Variants in ZDHHC15 observed in about 807,000 individuals in gnomAD.
ZDHHC15 encodes palmitoyltransferase ZDHHC15.
Under a neutral mutation model 31.7 loss-of-function variants are expected in ZDHHC15, and 19 were observed. The ratio of observed to expected loss-of-function variants is 0.60; its 90% CI spans 0.42 to 0.88. The LOEUF (loss-of-function observed/expected upper bound fraction) is 0.88. Among genes scored for constraint, ZDHHC15 ranks in the 40% least tolerant of loss-of-function variants. ZDHHC15 has a pLI of 0.00. For synonymous variants in ZDHHC15, 103 were observed against 90.0 expected (o/e 1.14, Z -0.82); for missense variants, 209 against 251.2 (o/e 0.83, Z 1.14).
At chrX:75,415,001 T>C (rs1446632594) in intron 10 of ZDHHC15, among the ~76,000 whole-genome samples, 2 of 103,425 alleles carry the variant, frequency 1.9e-5, no homozygotes, top group African/African-American at 7.1e-5. Flanking sequence ...CTCAAACTTC[T>C]CACCTCAGGT....
intron 2 of ZDHHC15, among the ~76,000 whole-genome samples, chrX:75,491,383 A>G (rs2084887860): frequency 9.6e-6 from 1 of 104,518 alleles, no homozygotes; most frequent in South Asian, 4.6e-4. Context: ...AGAACAAAAA[A>G]CCAAACACCG....
chrX:75,508,482 CT>C (rs1454047898), intron 1 of ZDHHC15, among the ~76,000 whole-genome samples: 1 of 108,777 alleles, frequency 9.2e-6, no homozygotes, highest in African/African-American at 3.4e-5. Flanking sequence ...TGAACTCATC[CT>C]TTTTTATGGC....
chrX:75,410,061 T>G (rs1308150343), intron 10 of ZDHHC15, among the ~76,000 whole-genome samples: 1 of 110,788 alleles, frequency 9.0e-6, no homozygotes, highest in African/African-American at 3.3e-5. Flanking sequence ...TAGACCCATA[T>G]CTCTCTCCGT....
At position 75,478,921 on chromosome X, in the gene ZDHHC15, G is replaced by T. The variant is rs769444491; in HGVS notation, c.228C>A (p.Ile76=). 13 of 1,206,530 alleles carry T rather than the reference G, an allele frequency of 1.1e-5. No homozygotes were observed. In the South Asian group the frequency reaches 1.4e-4, roughly 13 times the overall value. The change falls in exon 3 of 12, where the codon ATC becomes ATA. Residue 76 remains isoleucine (I), a synonymous_variant. Coordinates refer to ENST00000373367, the MANE Select transcript of ZDHHC15 (RefSeq NM_144969.3). ...VFFTWTYWKS[I]FTLPQQPNQK... ...GGTTTGGCTGCTGTGGGAGTGTAAA[G>T]ATAGACTTCCAGTAGGTCCAGGTAA...
At chrX:75,459,314 GCT>G (rs1306475958) in intron 3 of ZDHHC15, among the ~76,000 whole-genome samples, 2 of 111,507 alleles carry the variant, frequency 1.8e-5, no homozygotes, top group Admixed American at 1.9e-4. Flanking sequence ...CATTCTGCAG[GCT>G]CCACTTCCAT....
rs139062845 is a variant in ZDHHC15, at chrX:75,522,239, C to T, written c.136+650G>A. On this transcript the variant is annotated intron_variant, in intron 1 of 11. Transcript: ENST00000373367. ...GGGAAAGAGAATGGAGGGCTTACCA[C>T]TGTGTGAAAACGGAAGATCTTAATG... is the stretch of plus-strand genomic sequence containing the variant. Among the ~76,000 whole-genome samples the T allele has an allele frequency of 8.0e-3, 894 of 111,718 alleles. 11 individuals carry two copies. Among genetic ancestry groups the T allele is most frequent in the African/African-American group, 0.027 (820 of 30,742 alleles).
At chrX:75,471,146 T>C (rs763295106) in intron 3 of ZDHHC15, among the ~76,000 whole-genome samples, 17 of 112,493 alleles carry the variant, frequency 1.5e-4, no homozygotes, top group Admixed American at 1.2e-3. Context: ...TATGCAGACA[T>C]TGACTTAGTA....
At chrX:75,453,540 G>A (rs779567712) in intron 3 of ZDHHC15, among the ~76,000 whole-genome samples, 7 of 111,151 alleles carry the variant, frequency 6.3e-5, no homozygotes, top group Non-Finnish European at 1.1e-4. Flanking sequence ...CATTTTATGA[G>A]GCCAGCATCA....
rs1463803181 is a variant in ZDHHC15 at position 75,369,103 on chromosome X, T to TTAGA, written c.*3871_*3874dup. ...CTTGTCCAAGGGCCTGACAATCTCA[T>TTAGA]TAGATGCCCCCTGTGCTTCTCCATA... is the stretch of plus-strand genomic sequence containing the variant. On this transcript the variant is annotated 3_prime_UTR_variant, in exon 12 of 12. Transcript: ENST00000373367. 1 of 112,079 alleles carries TTAGA rather than the reference T, an allele frequency of 8.9e-6. No homozygotes were observed. The highest frequency in any genetic ancestry group is 1.9e-5 in the Non-Finnish European group (1 of 53,241). 9.2% of individuals were successfully genotyped at this position (112,079 alleles called of 1,213,427 possible). A position where few individuals can be genotyped will look rare whatever the true frequency, so the allele number is the denominator to read the frequency against.
chrX:75,394,052 A>G (rs904179891), intron 10 of ZDHHC15, among the ~76,000 whole-genome samples: 1 of 111,516 alleles, frequency 9.0e-6, no homozygotes, highest in Non-Finnish European at 1.9e-5. Flanking sequence ...CAACCCACTG[A>G]TTCTCAAATG....
chrX:75,521,596 A>G (rs948305732), intron 1 of ZDHHC15, among the ~76,000 whole-genome samples: 3 of 110,958 alleles, frequency 2.7e-5, no homozygotes, highest in Admixed American at 1.9e-4. Flanking sequence ...TAAGGAGGAT[A>G]TAGAGTGCTC....
chrX:75,429,908 T>G lies in ZDHHC15; in HGVS notation c.482+40A>C, dbSNP rs758334051. The G allele has an allele frequency of 2.6e-4, 312 of 1,187,785 alleles. 5 individuals carry two copies. The highest frequency in any genetic ancestry group is 2.6e-3 in the Middle Eastern group (11 of 4,274). On this transcript the variant is annotated intron_variant, in intron 6 of 11. Transcript: ENST00000373367. ...AAAAGTGCATATAATTGAGCAACTT[T>G]GACCCCTTTAGAGGAGAGAAATGAA...
chrX:75,435,678 C>G (rs1474774555), intron 4 of ZDHHC15, among the ~76,000 whole-genome samples: 3 of 112,077 alleles, frequency 2.7e-5, no homozygotes, highest in Non-Finnish European at 5.6e-5. Context: ...ACCCTGAATC[C>G]ATGGTATGAA....
chrX:75,483,278 A>T (rs1440304995), intron 2 of ZDHHC15, among the ~76,000 whole-genome samples: 1 of 110,199 alleles, frequency 9.1e-6, no homozygotes, highest in Non-Finnish European at 1.9e-5. Context: ...TTTCAGGGGC[A>T]GATGAACCAC....
At chrX:75,487,026 C>T (rs1376002173) in intron 2 of ZDHHC15, among the ~76,000 whole-genome samples, 1 of 111,717 alleles carries the variant, frequency 9.0e-6, no homozygotes, top group Non-Finnish European at 1.9e-5. Context: ...CCTTCTACTA[C>T]AGCAGAAGGC....
chrX:75,460,123 C>T (rs944648459), intron 3 of ZDHHC15, among the ~76,000 whole-genome samples: 14 of 112,256 alleles, frequency 1.2e-4, no homozygotes, highest in African/African-American at 4.2e-4. Context: ...GATCTGCCTG[C>T]CTTGGCCTCC....
intron 7 of ZDHHC15, 73 bp downstream of exon 7, chrX:75,429,005 G>C: frequency 8.7e-7 from 1 of 1,152,144 alleles, no homozygotes; most frequent in Non-Finnish European, 1.2e-6. Flanking sequence ...AAAAGATAGA[G>C]GGTGAACAAT....
At chrX:75,444,687 T>TATATATACACAC (rs2084007375) in intron 4 of ZDHHC15, among the ~76,000 whole-genome samples, 1 of 29,503 alleles carries the variant, frequency 3.4e-5, no homozygotes, top group African/African-American at 1.6e-4. Flanking sequence ...TATATATATA[T>TATATATACACAC]ACACACACAC....
At chrX:75,493,253 T>G (rs1161181631) in intron 2 of ZDHHC15, among the ~76,000 whole-genome samples, 2 of 111,945 alleles carry the variant, frequency 1.8e-5, no homozygotes, top group Non-Finnish European at 3.8e-5. Context: ...AATCTCTGAA[T>G]AGACCAATAA....
Sources: gnomAD v4.1 joint callset for allele counts (sites outside exome capture counted in the v4.1 genomes callset) on GRCh38, gnomAD v4.1.1 for gene constraint, MANE v1.5 for transcripts, NCBI Gene and HGNC (gene_info 2026-07-23, HGNC 2026-07-21) for gene names.